MAML2: variants seen among roughly 807,000 people sequenced by gnomAD.
MAML2 encodes mastermind-like protein 2.
MAML2 carries 22 observed loss-of-function variants against 96.1 expected under a neutral mutation model. The observed-to-expected ratio is 0.23, with a 90% confidence interval of 0.16 to 0.33. The LOEUF (loss-of-function observed/expected upper bound fraction) is 0.33. Ranked by LOEUF, MAML2 falls within the 10% of genes least tolerant of loss-of-function variation. MAML2 has a pLI of 1.00. For missense variants in MAML2, 1,367 were observed against 1,392.4 expected, an observed-to-expected ratio of 0.98 and a Z score of 0.29; for synonymous variants, 561 against 521.3, an observed-to-expected ratio of 1.08 and a Z score of -1.04.
chr11:96,326,454 T>A (rs1863782887), intron 1 of MAML2, among the ~76,000 whole-genome samples: 1 of 151,596 alleles, frequency 6.6e-6, no homozygotes, highest in Non-Finnish European at 1.5e-5. Flanking sequence ...TCCAATTGCA[T>A]GCCCTTCCTT....
intron 3 of MAML2, among the ~76,000 whole-genome samples, chr11:95,990,188 T>G (rs1857888596): frequency 6.6e-6 from 1 of 152,208 alleles, no homozygotes; most frequent in Admixed American, 6.5e-5. Flanking sequence ...TTCTCTTACT[T>G]TTTATACTTT....
At chr11:96,120,250 T>C (rs993140231) in intron 1 of MAML2, among the ~76,000 whole-genome samples, 1 of 152,098 alleles carries the variant, frequency 6.6e-6, no homozygotes, top group African/African-American at 2.4e-5. Context: ...AGCCACCGCG[T>C]CCGGCCAAGA....
At chr11:96,016,071 T>G (rs1314510751) in intron 2 of MAML2, among the ~76,000 whole-genome samples, 2 of 152,202 alleles carry the variant, frequency 1.3e-5, no homozygotes, top group Non-Finnish European at 2.9e-5. Flanking sequence ...GTTCAAAACT[T>G]AATCTTTATT....
intron 1 of MAML2, among the ~76,000 whole-genome samples, chr11:96,103,974 A>G (rs1715262382): frequency 6.6e-6 from 1 of 152,142 alleles, no homozygotes; most frequent in Admixed American, 6.6e-5. Context: ...CTCTGCCTTC[A>G]TGTAACTCTT....
chr11:96,027,210 T>C (rs1339923054), intron 2 of MAML2, among the ~76,000 whole-genome samples: 5 of 151,588 alleles, frequency 3.3e-5, no homozygotes, highest in Admixed American at 1.3e-4. Flanking sequence ...ATGCATTCAT[T>C]TATTCATTCA....
At chr11:96,186,179 G>T (rs1323661993) in intron 1 of MAML2, among the ~76,000 whole-genome samples, 1 of 152,214 alleles carries the variant, frequency 6.6e-6, no homozygotes, top group Non-Finnish European at 1.5e-5. Flanking sequence ...GCATAATTAG[G>T]TTTTGCTCCT....
At chr11:96,081,684 C>T (rs138760504) in intron 2 of MAML2, among the ~76,000 whole-genome samples, 443 of 152,258 alleles carry the variant, frequency 2.9e-3, no homozygotes, top group African/African-American at 1.0e-2. Flanking sequence ...AGCAAACTAA[C>T]GTTTGTCAAT....
At chr11:96,281,867 T>TCAAAA (rs1248199329) in intron 1 of MAML2, among the ~76,000 whole-genome samples, 1 of 151,622 alleles carries the variant, frequency 6.6e-6, no homozygotes, top group Non-Finnish European at 1.5e-5. Context: ...AAGACCTGTC[T>TCAAAA]CAAAACAAAA....
At chr11:96,251,733 CTT>C (rs5793793) in intron 1 of MAML2, among the ~76,000 whole-genome samples, 211 of 134,406 alleles carry the variant, frequency 1.6e-3, no homozygotes, top group African/African-American at 3.2e-3. Context: ...AATACAAACC[CTT>C]TTTTTTTTTT....
chr11:96,167,936 G>A (rs1419977375), intron 1 of MAML2, among the ~76,000 whole-genome samples: 1 of 152,146 alleles, frequency 6.6e-6, no homozygotes, highest in African/African-American at 2.4e-5. Context: ...CATATGTAAT[G>A]ACCTATGTAT....
intron 2 of MAML2, among the ~76,000 whole-genome samples, chr11:96,061,863 C>T (rs1859165700): frequency 6.6e-6 from 1 of 151,534 alleles, no homozygotes; most frequent in East Asian, 1.9e-4. Context: ...CCTGCTTACT[C>T]TTAATACACC....
chr11:96,242,648 C>T (rs1393774800), intron 1 of MAML2, among the ~76,000 whole-genome samples: 1 of 150,856 alleles, frequency 6.6e-6, no homozygotes, highest in Non-Finnish European at 1.5e-5. Flanking sequence ...GCTCACGAAA[C>T]AGCTTAAAGA....
rs1376110703 is a variant in MAML2, at chr11:95,979,537, G to T, written c.2882C>A (p.Thr961Lys). Residue 961 changes from threonine to lysine, a missense_variant, in exon 5 of 5, where the codon ACA (threonine) becomes AAA (lysine). Thr to Lys is a moderately conservative substitution (Grantham distance 78). Transcript: ENST00000524717. ...TTGAGAGGCCCAGTTTGGTGCAGTT[G>T]TGTTGGATGTGATCATTACGTTTGA... The part of the protein sequence containing the change: ...RTSNVMITSN[T>K]TAPNWASQEG... 7 of 1,613,750 alleles carry T rather than the reference G, an allele frequency of 4.3e-6. No individual in the cohort carries two copies. The African/African-American group carries it at 6.7e-5, about 15-fold the overall frequency.
intron 1 of MAML2, among the ~76,000 whole-genome samples, chr11:96,290,111 T>A (rs1381898334): frequency 6.6e-6 from 1 of 152,190 alleles, no homozygotes; most frequent in Non-Finnish European, 1.5e-5. Flanking sequence ...CTGGTGCCTA[T>A]TTTGTCCTAT....
rs560354265 is a variant in MAML2 at position 96,269,704 on chromosome 11, T to C, written c.513+71679A>G. 3.0e-3 allele frequency among the ~76,000 whole-genome samples: 436 copies of C among 143,660 alleles called. 72 individuals are homozygous for C. Among genetic ancestry groups the C allele is most frequent in the African/African-American group, 0.011 (412 of 37,302 alleles). The allele number at this position is 143,660 out of a possible 152,430, so 94.2% of individuals were successfully genotyped here. A position where few individuals can be genotyped will look rare whatever the true frequency, so the allele number is the denominator to read the frequency against. On this transcript the variant is annotated intron_variant, in intron 1 of 4. Coordinates refer to ENST00000524717, the MANE Select transcript of MAML2 (RefSeq NM_032427.4). Reference sequence around the variant, plus strand: ...TTTTGTATTTTTTATAGAGATGGGGTTTCACCATGTTGGCCAGGCTGACCT... The same window carrying C: ...TTTTGTATTTTTTATAGAGATGGGGCTTCACCATGTTGGCCAGGCTGACCT...
At chr11:96,132,376 T>C (rs7111263) in intron 1 of MAML2, among the ~76,000 whole-genome samples, 53,122 of 152,056 alleles carry the variant, frequency 0.35, 9,428 homozygotes, top group African/African-American at 0.39. Context: ...GTGCATGCCC[T>C]AGTAAGTCTA....
intron 1 of MAML2, among the ~76,000 whole-genome samples, chr11:96,320,954 C>T (rs1863691979): frequency 6.6e-6 from 1 of 152,156 alleles, no homozygotes; most frequent in African/African-American, 2.4e-5. Flanking sequence ...AATTTCAGGG[C>T]TTATCTGCCT....
At chr11:95,988,095 G>A (rs112657095) in intron 3 of MAML2, among the ~76,000 whole-genome samples, 3,863 of 150,886 alleles carry the variant, frequency 0.026, 78 homozygotes, top group South Asian at 0.086. Context: ...TGTTTCTACC[G>A]TTTATACTGA....
chr11:96,132,340 A>G (rs545064660), intron 1 of MAML2, among the ~76,000 whole-genome samples: 8 of 152,248 alleles, frequency 5.3e-5, no homozygotes, highest in Admixed American at 1.3e-4. Flanking sequence ...TTCAGCAGTG[A>G]ACAAGACAGA....
Sources: allele counts gnomAD v4.1 joint callset (sites outside exome capture counted in the v4.1 genomes callset), GRCh38; gene constraint gnomAD v4.1.1; transcripts MANE v1.5; gene names NCBI Gene and HGNC (gene_info 2026-07-23, HGNC 2026-07-21).